MTO1: variants seen among roughly 807,000 people sequenced by gnomAD.
The protein encoded by MTO1 is mitochondrial tRNA translation optimization 1.
In MTO1, 46 loss-of-function variants were observed where a neutral mutation model predicts 71.6. That is an observed-to-expected ratio of 0.64 (90% CI 0.51 to 0.82). The LOEUF is 0.82. MTO1 is among the 40% of genes least tolerant of loss of function. The probability of loss-of-function intolerance (pLI) is 0.00; values close to 1 mark genes in which losing one functional copy is unlikely to be tolerated. For synonymous variants in MTO1, 297 were observed against 312.1 expected, an observed-to-expected ratio of 0.95 and a Z score of 0.51; for missense variants, 773 against 867.5, an observed-to-expected ratio of 0.89 and a Z score of 1.37.
chr6:73,463,753 T>A (rs1382587882), intron 1 of MTO1, among the ~76,000 whole-genome samples: 2 of 152,112 alleles, frequency 1.3e-5, no homozygotes, highest in African/African-American at 2.4e-5. Flanking sequence ...TTTTCTTTCA[T>A]TTTTGAGACA....
rs1772044059 is a variant in MTO1, at chr6:73,498,016, C to T, written c.1917+120C>T. The T allele has an allele frequency of 2.2e-6, 2 of 891,298 alleles. 1 individual carries two copies. Among genetic ancestry groups the T allele is most frequent in the Non-Finnish European group, 3.2e-6 (2 of 615,576 alleles). The allele number at this position is 891,298 out of a possible 1,614,324, so 55.2% of individuals were successfully genotyped here. A position where few individuals can be genotyped will look rare whatever the true frequency, so the allele number is the denominator to read the frequency against. The stretch of plus-strand genomic sequence containing the variant: ...TGTTTTATTTAGTAATAAGAAACTT[C>T]CAGCATGGGCAACACAGCAAGACCC... On this transcript the variant is annotated intron_variant, in intron 11 of 11. Coordinates refer to ENST00000498286, the MANE Select transcript of MTO1 (RefSeq NM_012123.4).
Position 73,482,052 on chromosome 6 carries a change from G to A in MTO1, c.1273G>A (p.Gly425Arg), listed in dbSNP as rs779264207. 2.1e-5 allele frequency: 34 copies of A among 1,613,918 alleles called. No homozygotes were observed. The highest frequency in any genetic ancestry group is 2.7e-5 in the African/African-American group (2 of 74,870). ...EEAAAQGVIA[G>R]INASLRVSRK... ...AGTGCTCTTGTAGGGTGTGATAGCC[G>A]GAATCAACGCCAGTCTTCGGGTCAG... The change falls in exon 8 of 12, where the codon GGA (glycine) becomes AGA (arginine). Residue 425 changes from glycine to arginine, a missense_variant. By Grantham distance (125) the Gly-to-Arg change is moderately radical (BLOSUM62 -2). Coordinates refer to ENST00000498286, the MANE Select transcript of MTO1 (RefSeq NM_012123.4).
intron 7 of MTO1, 163 bp downstream of exon 7, chr6:73,480,968 GGTTTT>G: frequency 1.1e-5 from 5 of 436,708 alleles, no homozygotes; most frequent in East Asian, 5.1e-5. Flanking sequence ...TAGATAATAG[GGTTTT>G]TTTTTTTTTT....
intron 1 of MTO1, 62 bp downstream of exon 1, chr6:73,462,133 C>G: frequency 6.4e-7 from 1 of 1,558,636 alleles, no homozygotes. Flanking sequence ...TCCCGCCTCC[C>G]CCGGTCTGAA....
At chr6:73,494,030 C>T (rs544717415) in intron 10 of MTO1, among the ~76,000 whole-genome samples, 76 of 151,850 alleles carry the variant, frequency 5.0e-4, no homozygotes, top group Non-Finnish European at 7.5e-4. Flanking sequence ...GTCAGAAGTT[C>T]GAGACCAGCC....
In MTO1 at chr6:73,482,482, G is replaced by A. The variant is rs770464521; in HGVS notation, c.1499G>A (p.Arg500Gln). The A allele has an allele frequency of 5.6e-6, 9 of 1,613,176 alleles. No individual in the cohort carries two copies. In the East Asian group the frequency reaches 8.9e-5, roughly 16 times the overall value. ...YKDAGCVSQQ[R>Q]YERACWMKSS... ...GACGCTGGCTGTGTGTCCCAACAACGATATGAAAGAGCTTGTTGGATGAAG... is the reference window on the plus strand; with the variant it reads ...GACGCTGGCTGTGTGTCCCAACAACAATATGAAAGAGCTTGTTGGATGAAG... The change falls in exon 9 of 12, where the codon CGA becomes CAA. Residue 500 changes from arginine (R) to glutamine (Q), a missense_variant. Arg to Gln is a conservative substitution (Grantham distance 43). Coordinates refer to ENST00000498286, the MANE Select transcript of MTO1 (RefSeq NM_012123.4).
intron 9 of MTO1, chr6:73,486,860 G>A (rs531803818): frequency 1.2e-5 from 2 of 171,472 alleles, no homozygotes; most frequent in East Asian, 3.6e-4. Context: ...GGGAGGCTAA[G>A]GTGGGAGGAT....
In MTO1 at chr6:73,502,580, G is replaced by A. The variant is rs1285324693; in HGVS notation, c.*1845G>A. 6.6e-6 allele frequency: 1 copy of A among 151,662 alleles called. No homozygotes were observed. The highest frequency in any genetic ancestry group is 1.5e-5 in the Non-Finnish European group (1 of 67,988). The allele number at this position is 151,662 out of a possible 1,614,324, so 9.4% of individuals were successfully genotyped here. ...AAGTGAATGGAGTGCCTTTTGAATA[G>A]AATATAACAAAAATTTATCTTAAAG... On this transcript the variant is annotated 3_prime_UTR_variant, in exon 12 of 12. Transcript: ENST00000498286.
rs1772288581 is a variant in MTO1, at chr6:73,506,425, T to C, written c.*5690T>C. 6.6e-6 allele frequency: 1 copy of C among 152,362 alleles called. No individual in the cohort carries two copies. Among genetic ancestry groups the C allele is most frequent in the African/African-American group, 2.4e-5 (1 of 41,428 alleles). 9.4% of individuals were successfully genotyped at this position (152,362 alleles called of 1,614,324 possible). On this transcript the variant is annotated 3_prime_UTR_variant, in exon 12 of 12. Coordinates refer to ENST00000498286, the MANE Select transcript of MTO1 (RefSeq NM_012123.4). ...GAATCACAAGGGCCGGTTTTTACCA[T>C]GCTTTCTTGTGATAGTGAATAAGTC... is the stretch of plus-strand genomic sequence containing the variant.
At chr6:73,462,154 TCTTC>T in intron 1 of MTO1, 83 bp downstream of exon 1, 1 of 1,421,040 alleles carries the variant, frequency 7.0e-7, no homozygotes, top group Non-Finnish European at 9.8e-7. Flanking sequence ...GCGGGGGACC[TCTTC>T]CTTTCCTCAA....
rs1482734939 is a variant in MTO1, at chr6:73,503,428, T to C, written c.*2693T>C. ...ACACGTGGCCTGAAACCTCTTTAAA[T>C]CCACAATGTTTGTATGTTAACTTAA... On this transcript the variant is annotated 3_prime_UTR_variant, in exon 12 of 12. Coordinates refer to ENST00000498286, the MANE Select transcript of MTO1 (RefSeq NM_012123.4). 6.6e-6 allele frequency: 1 copy of C among 152,164 alleles called. No homozygotes were observed. The highest frequency in any genetic ancestry group is 2.4e-5 in the African/African-American group (1 of 41,440). The allele number at this position is 152,164 out of a possible 1,614,324, so 9.4% of individuals were successfully genotyped here. A position where few individuals can be genotyped will look rare whatever the true frequency, so the allele number is the denominator to read the frequency against.
intron 9 of MTO1, among the ~76,000 whole-genome samples, chr6:73,483,304 G>A (rs974243190): frequency 6.6e-6 from 1 of 151,950 alleles, no homozygotes; most frequent in African/African-American, 2.4e-5. Flanking sequence ...AGCTACTTGG[G>A]AGGTTGAGGC....
At chr6:73,471,786 A>AT (rs1020993195) in intron 3 of MTO1, 103 of 164,076 alleles carry the variant, frequency 6.3e-4, no homozygotes, top group African/African-American at 2.4e-3. Context: ...AACAATAACA[A>AT]TTTTTTTGTG....
At chr6:73,465,711 G>T (rs1004275841) in intron 1 of MTO1, among the ~76,000 whole-genome samples, 7 of 152,106 alleles carry the variant, frequency 4.6e-5, no homozygotes, top group Non-Finnish European at 5.9e-5. Context: ...TTCAGGCCGG[G>T]CGCGGTGGCT....
At chr6:73,464,613 C>G (rs9360683) in intron 1 of MTO1, among the ~76,000 whole-genome samples, 1 of 146,526 alleles carries the variant, frequency 6.8e-6, no homozygotes, top group Admixed American at 6.9e-5. Flanking sequence ...AACCCTGTCT[C>G]TATTAAAAAT....
chr6:73,463,202 T>A (rs1770879134), intron 1 of MTO1, among the ~76,000 whole-genome samples: 2 of 151,930 alleles, frequency 1.3e-5, no homozygotes, highest in South Asian at 4.2e-4. Context: ...TTTTTTTTTC[T>A]TTGTATTTTT....
chr6:73,495,977 G>A (rs1442431738), intron 10 of MTO1, among the ~76,000 whole-genome samples: 2 of 152,204 alleles, frequency 1.3e-5, no homozygotes, highest in Non-Finnish European at 2.9e-5. Context: ...CAGTTGGTGA[G>A]TGGCAGAGCT....
chr6:73,467,209 T>C (rs1477901896), intron 3 of MTO1, among the ~76,000 whole-genome samples: 1 of 151,908 alleles, frequency 6.6e-6, no homozygotes, highest in Admixed American at 6.6e-5. Context: ...AGCTACTCAA[T>C]AAGCTGAAGT....
rs751095444 is a variant in MTO1 at position 73,501,090 on chromosome 6, T to C, written c.*355T>C. The C allele has an allele frequency of 8.0e-5, 13 of 161,538 alleles. No individual in the cohort carries two copies. The highest frequency in any genetic ancestry group is 1.3e-4 in the Non-Finnish European group (10 of 74,690). The allele number at this position is 161,538 out of a possible 1,614,324, so 10.0% of individuals were successfully genotyped here. Reference sequence around the variant, plus strand: ...TAAGTCTACCAAATTAAAAGTCTTATCATTCAGCGTGTTTTGAGAGTTAAT... The same window carrying C: ...TAAGTCTACCAAATTAAAAGTCTTACCATTCAGCGTGTTTTGAGAGTTAAT... On this transcript the variant is annotated 3_prime_UTR_variant, in exon 12 of 12. Transcript: ENST00000498286.
Sources: allele counts gnomAD v4.1 joint callset (sites outside exome capture counted in the v4.1 genomes callset), GRCh38; gene constraint gnomAD v4.1.1; transcripts MANE v1.5; gene names NCBI Gene and HGNC (gene_info 2026-07-23, HGNC 2026-07-21).